Variants in BICC1 observed in about 807,000 individuals in gnomAD.
BICC1 encodes BicC family RNA binding protein 1.
In BICC1, 43 loss-of-function variants were observed where a neutral mutation model predicts 111.0. That is an observed-to-expected ratio of 0.39 (90% CI 0.30 to 0.50). The LOEUF (loss-of-function observed/expected upper bound fraction) is 0.50, where lower values mean the gene tolerates loss of function less well. Ranked by LOEUF, BICC1 falls within the 20% of genes least tolerant of loss-of-function variation. The pLI is 0.88. For synonymous variants in BICC1, 467 were observed against 434.4 expected, an observed-to-expected ratio of 1.07 and a Z score of -0.93; for missense variants, 1,091 against 1,203.2, an observed-to-expected ratio of 0.91 and a Z score of 1.38.
chr10:58,707,844 C>T (rs375202065), intron 3 of BICC1, among the ~76,000 whole-genome samples: 2 of 152,138 alleles, frequency 1.3e-5, no homozygotes, highest in East Asian at 3.9e-4. Context: ...TTACAAGGCA[C>T]CTGCCACCAC....
At chr10:58,739,012 T>C (rs1589084286) in intron 3 of BICC1, among the ~76,000 whole-genome samples, 1 of 152,050 alleles carries the variant, frequency 6.6e-6, no homozygotes, top group African/African-American at 2.4e-5. Flanking sequence ...TCTAGATATA[T>C]AATCATGTCA....
At chr10:58,643,714 A>G (rs568777003) in intron 2 of BICC1, among the ~76,000 whole-genome samples, 1 of 152,360 alleles carries the variant, frequency 6.6e-6, no homozygotes, top group African/African-American at 2.4e-5. Context: ...TACACAACAC[A>G]CACCAACAGG....
At chr10:58,684,327 A>G (rs1165473648) in intron 2 of BICC1, among the ~76,000 whole-genome samples, 3 of 152,068 alleles carry the variant, frequency 2.0e-5, no homozygotes, top group Non-Finnish European at 4.4e-5. Flanking sequence ...ATATTGGTCT[A>G]AAATTCTCTT....
chr10:58,718,765 T>C (rs1376430002), intron 3 of BICC1, among the ~76,000 whole-genome samples: 1 of 148,154 alleles, frequency 6.7e-6, no homozygotes, highest in African/African-American at 2.5e-5. Flanking sequence ...TGTGTGTGTG[T>C]GCGCGCGCGC....
At chr10:58,575,659 C>T (rs1348555071) in intron 1 of BICC1, among the ~76,000 whole-genome samples, 2 of 151,604 alleles carry the variant, frequency 1.3e-5, no homozygotes, top group Non-Finnish European at 2.9e-5. Context: ...CTGGACTTAA[C>T]GCGATTTTCC....
At chr10:58,676,358 A>G (rs2132341768) in intron 2 of BICC1, among the ~76,000 whole-genome samples, 1 of 152,282 alleles carries the variant, frequency 6.6e-6, no homozygotes. Context: ...GGAGCCCAAC[A>G]AGCTAAGATC....
At chr10:58,612,644 A>C (rs1289556323) in intron 1 of BICC1, among the ~76,000 whole-genome samples, 1 of 151,702 alleles carries the variant, frequency 6.6e-6, no homozygotes, top group Non-Finnish European at 1.5e-5. Context: ...GATTCTTTAC[A>C]GATTTGAAGA....
intron 3 of BICC1, among the ~76,000 whole-genome samples, chr10:58,744,326 A>G (rs1287108531): frequency 6.6e-6 from 1 of 152,042 alleles, no homozygotes; most frequent in African/African-American, 2.4e-5. Flanking sequence ...AAGCTCTCTC[A>G]GTGTTTTGGC....
At chr10:58,789,125 A>G (rs1173987624) in intron 6 of BICC1, 137 bp from the exon 7 acceptor site, 3 of 680,278 alleles carry the variant, frequency 4.4e-6, no homozygotes, top group Non-Finnish European at 7.1e-6. Context: ...ACTTTATATA[A>G]TGTAGCTAAA....
In BICC1 at chr10:58,803,246, A is replaced by G. The variant is rs548403881; in HGVS notation, c.2181+4A>G. The G allele has an allele frequency of 1.9e-6, 3 of 1,581,530 alleles. No homozygotes were observed. The African/African-American group carries it at 4.0e-5, about 21-fold the overall frequency. On this transcript the variant is annotated splice_donor_region_variant and intron_variant, in intron 15 of 20. Transcript: ENST00000373886. The stretch of plus-strand genomic sequence containing the variant: ...GTCATCATATGTCAACATGCAGGTA[A>G]TGGTAATAAAATAGGAAAGCCACTC...
chr10:58,619,773 A>G (rs1489505626), intron 1 of BICC1, among the ~76,000 whole-genome samples: 1 of 152,160 alleles, frequency 6.6e-6, no homozygotes, highest in Admixed American at 6.5e-5. Context: ...AAATTATGGT[A>G]GATGCTTGTC....
chr10:58,759,345 A>G (rs1459293495), intron 3 of BICC1, among the ~76,000 whole-genome samples: 1 of 152,152 alleles, frequency 6.6e-6, no homozygotes, highest in Admixed American at 6.5e-5. Flanking sequence ...AAACAAAAAG[A>G]TTTATGAAAC....
At chr10:58,688,704 A>G (rs924090896) in intron 2 of BICC1, among the ~76,000 whole-genome samples, 3 of 152,260 alleles carry the variant, frequency 2.0e-5, no homozygotes, top group African/African-American at 7.2e-5. Flanking sequence ...GCAGCCATAA[A>G]AAATAATGAG....
chr10:58,800,023 C>A (rs1253522202), intron 12 of BICC1, among the ~76,000 whole-genome samples, 171 bp from the exon 13 acceptor site: 1 of 152,126 alleles, frequency 6.6e-6, no homozygotes, highest in Non-Finnish European at 1.5e-5. Flanking sequence ...CCTACAATTT[C>A]TTTCAGCAGT....
At chr10:58,693,566 G>C (rs531480793) in intron 2 of BICC1, among the ~76,000 whole-genome samples, 1 of 152,294 alleles carries the variant, frequency 6.6e-6, no homozygotes, top group Admixed American at 6.5e-5. Context: ...ACTGATGTGA[G>C]ATGGTATCTC....
chr10:58,709,504 T>A (rs1380976423), intron 3 of BICC1, among the ~76,000 whole-genome samples: 1 of 152,184 alleles, frequency 6.6e-6, no homozygotes, highest in Non-Finnish European at 1.5e-5. Context: ...AGCACGTGGA[T>A]TTTGTGAATC....
intron 1 of BICC1, among the ~76,000 whole-genome samples, chr10:58,594,805 A>C (rs1343418089): frequency 6.6e-6 from 1 of 152,228 alleles, no homozygotes; most frequent in Non-Finnish European, 1.5e-5. Context: ...CAACATAAAG[A>C]AACTGCATCA....
chr10:58,591,375 TG>T (rs1844613266), intron 1 of BICC1, among the ~76,000 whole-genome samples: 2 of 152,102 alleles, frequency 1.3e-5, no homozygotes. Flanking sequence ...ATCAACTGGG[TG>T]GTCTATAATG....
chr10:58,706,091 C>T (rs1230991072), intron 3 of BICC1, among the ~76,000 whole-genome samples: 1 of 152,176 alleles, frequency 6.6e-6, no homozygotes, highest in Non-Finnish European at 1.5e-5. Context: ...ATTGAGAATA[C>T]TAGAACAGTC....
Sources: allele counts gnomAD v4.1 joint callset (sites outside exome capture counted in the v4.1 genomes callset), GRCh38; gene constraint gnomAD v4.1.1; transcripts MANE v1.5; gene names NCBI Gene and HGNC (gene_info 2026-07-23, HGNC 2026-07-21).